ANKK1: variants seen among roughly 807,000 people sequenced by gnomAD.
ANKK1 encodes ankyrin repeat and kinase domain containing 1.
Under a neutral mutation model 37.6 loss-of-function variants are expected in ANKK1, and 37 were observed. The ratio of observed to expected loss-of-function variants is 0.98; its 90% CI spans 0.76 to 1.29. The LOEUF (loss-of-function observed/expected upper bound fraction) is 1.29, where lower values mean the gene tolerates loss of function less well. Among genes scored for constraint, ANKK1 ranks in the 50% most tolerant of loss-of-function variants. ANKK1 has a pLI of 0.00. For synonymous variants in ANKK1, 415 were observed against 418.7 expected (o/e 0.99, Z 0.11); for missense variants, 1,019 against 990.6 (o/e 1.03, Z -0.39).
intron 3 of ANKK1, 60 bp downstream of exon 3, chr11:113,395,140 T>G: frequency 6.5e-7 from 1 of 1,544,514 alleles, no homozygotes; most frequent in Non-Finnish European, 8.7e-7. Flanking sequence ...GCCACCACCC[T>G]GCCTGGCCTC....
At position 113,399,095 on chromosome 11, in the gene ANKK1, G is replaced by A. The variant is rs56299709; in HGVS notation, c.1126G>A (p.Glu376Lys). 1,076 of 1,594,556 alleles carry A rather than the reference G, an allele frequency of 6.7e-4. 8 individuals carry two copies. The African/African-American group carries it at 0.013, about 19-fold the overall frequency. ...CTTCCTGGTGGCCCAGGGCAGTGTG[G>A]AGCAGGTGAGGTTGCTGCTGGCCCA... ...LHFLVAQGSVEQVRLLLAHEV... is the reference protein window; with the variant it reads ...LHFLVAQGSVKQVRLLLAHEV... Residue 376 changes from glutamate to lysine, a missense_variant, in exon 8 of 8, where the codon GAG becomes AAG. Transcript: ENST00000303941.
At chr11:113,397,158 A>C in intron 5 of ANKK1, 66 bp from the exon 6 acceptor site, 1 of 1,320,412 alleles carries the variant, frequency 7.6e-7, no homozygotes, top group Middle Eastern at 1.8e-4. Flanking sequence ...GGGTATCTAA[A>C]ACAGGGAGGG....
In ANKK1 at chr11:113,395,105, C is replaced by T. The variant is rs370257049; in HGVS notation, c.632+25C>T. 42 of 1,577,262 alleles carry T rather than the reference C, an allele frequency of 2.7e-5. No individual in the cohort carries two copies. The African/African-American group carries it at 3.5e-4, about 13-fold the overall frequency. On this transcript the variant is annotated intron_variant, in intron 3 of 7. Transcript: ENST00000303941. ...GGTGAGAAGGAGGCCTGGCGTGATGCCACACACCCAGCAGGCAGTTTGCTG... is the reference window on the plus strand; with the variant it reads ...GGTGAGAAGGAGGCCTGGCGTGATGTCACACACCCAGCAGGCAGTTTGCTG...
At position 113,393,790 on chromosome 11, in the gene ANKK1, C is replaced by A; in HGVS notation, c.480+15C>A. On this transcript the variant is annotated intron_variant, in intron 2 of 7. Transcript: ENST00000303941. ...TGCATGTCAAAGTAAGGGCTCTGGC[C>A]AATCCTCCGCTCCCTTTCACTTGAG... The A allele has an allele frequency of 6.3e-7, 1 of 1,577,780 alleles. No individual in the cohort carries two copies. The highest frequency in any genetic ancestry group is 2.2e-5 in the East Asian group (1 of 44,556).
chr11:113,398,863 C>T (rs962177111), intron 7 of ANKK1, 101 bp from the exon 8 acceptor site: 15 of 1,049,132 alleles, frequency 1.4e-5, no homozygotes, highest in Non-Finnish European at 1.9e-5. Flanking sequence ...CTGCTCTAGC[C>T]TCTGTTCCTG....
Position 113,399,064 on chromosome 11 carries a change from C to A in ANKK1, c.1095C>A (p.Pro365=), listed in dbSNP as rs766574145. 1.2e-6 allele frequency: 2 copies of A among 1,603,008 alleles called. No individual in the cohort carries two copies. Among genetic ancestry groups the A allele is most frequent in the Admixed American group, 1.7e-5 (1 of 58,748 alleles). Residue 365 remains proline (P), a synonymous_variant, in exon 8 of 8, where the codon CCC becomes CCA. Transcript: ENST00000303941. ...ELCIYENKVT[P]LHFLVAQGSV... ...GTATCTATGAGAACAAGGTCACCCC[C>A]CTCCACTTCCTGGTGGCCCAGGGCA... is the stretch of plus-strand genomic sequence containing the variant.
chr11:113,399,953 C>G lies in ANKK1; in HGVS notation c.1984C>G (p.Pro662Ala), dbSNP rs1325954257. The part of the protein sequence containing the change: ...PNAAEQSGWT[P>A]LHLAVQRSTF... ...TGCTGCAGAGCAGTCAGGCTGGACA[C>G]CCCTCCACCTGGCGGTCCAGAGGAG... The change falls in exon 8 of 8, where the codon CCC becomes GCC. Residue 662 changes from proline to alanine, a missense_variant. By Grantham distance (27) the Pro-to-Ala change is conservative. Transcript: ENST00000303941. 1.2e-6 allele frequency: 2 copies of G among 1,613,666 alleles called. No homozygotes were observed. Among genetic ancestry groups the G allele is most frequent in the Non-Finnish European group, 1.7e-6 (2 of 1,179,906 alleles).
rs1950646043 is a variant in ANKK1, at chr11:113,397,226, A to G, written c.841A>G (p.Ile281Val). The G allele has an allele frequency of 1.2e-6, 2 of 1,606,956 alleles. No individual in the cohort carries two copies. The highest frequency in any genetic ancestry group is 4.5e-5 in the East Asian group (2 of 44,870). The change falls in exon 6 of 8, where the codon ATT becomes GTT. Residue 281 changes from isoleucine (I) to valine (V), a missense_variant and splice_region_variant. Ile to Val is a conservative substitution (Grantham distance 29, BLOSUM62 3). Coordinates refer to ENST00000303941, the MANE Select transcript of ANKK1 (RefSeq NM_178510.2). ...DPKKRPCFLD[I>V]TIETDILLSL... Reference sequence around the variant, plus strand: ...TCTTTCTCCCACTCATGGAGCAGACATTACCATCGAGACAGACATACTGCT... The same window carrying G: ...TCTTTCTCCCACTCATGGAGCAGACGTTACCATCGAGACAGACATACTGCT...
chr11:113,393,173 CAT>C (rs774072746), intron 1 of ANKK1, among the ~76,000 whole-genome samples: 5 of 152,152 alleles, frequency 3.3e-5, no homozygotes, highest in African/African-American at 9.7e-5. Flanking sequence ...GGGAGATAAA[CAT>C]AGAAACAAGC....
intron 1 of ANKK1, among the ~76,000 whole-genome samples, chr11:113,389,130 GGAGGGTCA>G (rs1447960269): frequency 2.0e-5 from 3 of 152,194 alleles, no homozygotes; most frequent in South Asian, 2.1e-4. Context: ...TGGTTTTGGA[GGAGGGTCA>G]GAGTATGCTA....
chr11:113,397,402 C>T, intron 6 of ANKK1, 60 bp downstream of exon 6: 1 of 1,402,754 alleles, frequency 7.1e-7, no homozygotes, highest in Non-Finnish European at 9.9e-7. Context: ...GCTGTGTGGA[C>T]TGTTGTGATC....
In ANKK1 at chr11:113,388,003, G is replaced by A; in HGVS notation, c.119G>A (p.Arg40Gln). The change falls in exon 1 of 8, where the codon CGG (arginine) becomes CAG (glutamine). Residue 40 changes from arginine (R) to glutamine (Q), a missense_variant. Coordinates refer to ENST00000303941, the MANE Select transcript of ANKK1 (RefSeq NM_178510.2). ...GGCTTCAGCCAGGTGTTCCAGGCGCGGCACAGGCGCTGGCGGACGGAGTAC... is the reference window on the plus strand; with the variant it reads ...GGCTTCAGCCAGGTGTTCCAGGCGCAGCACAGGCGCTGGCGGACGGAGTAC... The part of the protein sequence containing the change: ...SGGFSQVFQA[R>Q]HRRWRTEYAI... 1 of 1,569,786 alleles carries A rather than the reference G, an allele frequency of 6.4e-7. No individual in the cohort carries two copies. Among genetic ancestry groups the A allele is most frequent in the East Asian group, 2.3e-5 (1 of 42,656 alleles).
intron 1 of ANKK1, among the ~76,000 whole-genome samples, chr11:113,392,821 A>G (rs2138125258): frequency 6.6e-6 from 1 of 152,372 alleles, no homozygotes; most frequent in East Asian, 1.9e-4. Flanking sequence ...GCAGCCACTA[A>G]AGATCATGCT....
rs114931186 is a variant in ANKK1 at position 113,397,328 on chromosome 11, C to A, written c.943C>A (p.Arg315Ser). ...GAAGGTGTCCTGCAAGCTGTCGCTG[C>A]GCCAGCCCGGGGAGGTGAGTGTGTG... ...ARKVSCKLSLRQPGEVNEDIS... is the reference protein window; with the variant it reads ...ARKVSCKLSLSQPGEVNEDIS... The change falls in exon 6 of 8, where the codon CGC becomes AGC. Residue 315 changes from arginine (R) to serine (S), a missense_variant. Arg to Ser is a moderately radical substitution (Grantham distance 110). Transcript: ENST00000303941. 6.2e-7 allele frequency: 1 copy of A among 1,612,480 alleles called. No homozygotes were observed. Among genetic ancestry groups the A allele is most frequent in the East Asian group, 2.2e-5 (1 of 44,840 alleles).
rs750700049 is a variant in ANKK1 at position 113,399,058 on chromosome 11, C to A, written c.1089C>A (p.Val363=). The change falls in exon 8 of 8, where the codon GTC becomes GTA. Residue 363 remains valine (V), a synonymous_variant. Transcript: ENST00000303941. ...DEELCIYENK[V]TPLHFLVAQG... ...AACTGTGTATCTATGAGAACAAGGT[C>A]ACCCCCCTCCACTTCCTGGTGGCCC... 1.2e-5 allele frequency: 20 copies of A among 1,603,070 alleles called. No homozygotes were observed. The highest frequency in any genetic ancestry group is 1.6e-4 in the Middle Eastern group (1 of 6,076).
chr11:113,393,700 C>G lies in ANKK1; in HGVS notation c.405C>G (p.His135Gln). Residue 135 changes from histidine (H) to glutamine (Q), a missense_variant, in exon 2 of 8, where the codon CAC (histidine) becomes CAG (glutamine). His to Gln is a conservative substitution (Grantham distance 24, BLOSUM62 0). Transcript: ENST00000303941. ...HETSLAMNFL[H>Q]SIKPPLLHLD... ...CCAGCTTGGCCATGAACTTCCTGCA[C>G]AGCATTAAGCCGCCTCTGCTCCACC... 6.2e-7 allele frequency: 1 copy of G among 1,613,896 alleles called. No individual in the cohort carries two copies. Among genetic ancestry groups the G allele is most frequent in the East Asian group, 2.2e-5 (1 of 44,890 alleles).
rs1366797640 is a variant in ANKK1, at chr11:113,399,567, T to C, written c.1598T>C (p.Leu533Pro). 5 of 1,603,902 alleles carry C rather than the reference T, an allele frequency of 3.1e-6. No individual in the cohort carries two copies. Among genetic ancestry groups the C allele is most frequent in the African/African-American group, 1.3e-5 (1 of 74,744 alleles). ...QQRNLRTPLH[L>P]AVERGKVRAI... ...AGAAACCTGAGAACACCACTGCACC[T>C]GGCAGTAGAGCGGGGCAAAGTGAGG... The change falls in exon 8 of 8, where the codon CTG becomes CCG. Residue 533 changes from leucine (L) to proline (P), a missense_variant. Transcript: ENST00000303941.
At chr11:113,394,304 C>T (rs1432091116) in intron 2 of ANKK1, among the ~76,000 whole-genome samples, 1 of 152,138 alleles carries the variant, frequency 6.6e-6, no homozygotes, top group Non-Finnish European at 1.5e-5. Context: ...ATATTACTAA[C>T]CCCAACATAG....
intron 4 of ANKK1, among the ~76,000 whole-genome samples, 183 bp downstream of exon 4, chr11:113,395,591 C>A (rs1185122829): frequency 3.3e-5 from 5 of 152,144 alleles, no homozygotes; most frequent in African/African-American, 1.2e-4. Context: ...CTAGAGCTCA[C>A]GTCACAGCTA....
Sources: allele counts gnomAD v4.1 joint callset (sites outside exome capture counted in the v4.1 genomes callset), GRCh38; gene constraint gnomAD v4.1.1; transcripts MANE v1.5; gene names NCBI Gene and HGNC (gene_info 2026-07-23, HGNC 2026-07-21).